FAM107B: variants seen among roughly 807,000 people sequenced by gnomAD.
FAM107B encodes the protein family with sequence similarity 107 member B.
Under a neutral mutation model 31.5 loss-of-function variants are expected in FAM107B, and 21 were observed. The observed-to-expected ratio is 0.67, with a 90% CI of 0.47 to 0.96. FAM107B has a LOEUF of 0.96. Ranked by LOEUF, FAM107B falls within the 40% of genes least tolerant of loss-of-function variation. The pLI, the probability that FAM107B is intolerant of heterozygous loss-of-function variation, is 0.00. For missense variants in FAM107B, 452 were observed against 377.1 expected, an observed-to-expected ratio of 1.20 and a Z score of -1.64; for synonymous variants, 157 against 141.5, an observed-to-expected ratio of 1.11 and a Z score of -0.78.
At chr10:14,770,680 C>T (rs1833281159) in intron 1 of FAM107B, among the ~76,000 whole-genome samples, 1 of 152,056 alleles carries the variant, frequency 6.6e-6, no homozygotes. Context: ...GACACATTCC[C>T]ATTTTAGGGT....
At chr10:14,624,743 C>T (rs1342687651) in intron 2 of FAM107B, among the ~76,000 whole-genome samples, 1 of 152,118 alleles carries the variant, frequency 6.6e-6, no homozygotes, top group African/African-American at 2.4e-5. Context: ...CATAAAATAA[C>T]TAAAGCAGCT....
At chr10:14,545,011 G>A (rs536298545) in intron 2 of FAM107B, among the ~76,000 whole-genome samples, 2 of 152,302 alleles carry the variant, frequency 1.3e-5, no homozygotes, top group African/African-American at 4.8e-5. Context: ...TGCAAATATC[G>A]GAGATGCAGT....
chr10:14,583,021 A>G lies in FAM107B; in HGVS notation c.470-52506T>C, dbSNP rs570841011. 8.1e-4 allele frequency among the ~76,000 whole-genome samples: 120 copies of G among 148,560 alleles called. 1 individual carries two copies. Among genetic ancestry groups the G allele is most frequent in the African/African-American group, 2.8e-3 (112 of 40,388 alleles). On this transcript the variant is annotated intron_variant, in intron 2 of 4. Transcript: ENST00000181796. ...GAATTGCTTGAACCCAGCGGGGTGGAGGCTGCAGTAAGCGGAGATCGCGCC... is the reference window on the plus strand; with the variant it reads ...GAATTGCTTGAACCCAGCGGGGTGGGGGCTGCAGTAAGCGGAGATCGCGCC...
At chr10:14,522,896 T>G (rs898165316) in intron 3 of FAM107B, among the ~76,000 whole-genome samples, 1 of 152,060 alleles carries the variant, frequency 6.6e-6, no homozygotes, top group Non-Finnish European at 1.5e-5. Context: ...ATCCCCTAAT[T>G]CTCAGTCCCG....
At chr10:14,671,872 T>TAA (rs1294969542) in intron 1 of FAM107B, among the ~76,000 whole-genome samples, 753 of 33,480 alleles carry the variant, frequency 0.022, 5 homozygotes, top group Middle Eastern at 0.078. Context: ...CCCTTTTATT[T>TAA]AAAAAAAAAA....
intron 2 of FAM107B, among the ~76,000 whole-genome samples, chr10:14,589,719 T>A (rs1157044379): frequency 6.6e-6 from 1 of 151,950 alleles, no homozygotes; most frequent in Non-Finnish European, 1.5e-5. Flanking sequence ...AAAACCTAGA[T>A]GACAGATTGA....
intron 1 of FAM107B, among the ~76,000 whole-genome samples, chr10:14,726,724 T>C (rs1299215691): frequency 6.6e-6 from 1 of 152,138 alleles, no homozygotes; most frequent in African/African-American, 2.4e-5. Context: ...TATCAGCTGC[T>C]TTCTTGTGCC....
chr10:14,698,255 C>T (rs1018828837), intron 1 of FAM107B, among the ~76,000 whole-genome samples: 2 of 152,150 alleles, frequency 1.3e-5, no homozygotes, highest in African/African-American at 4.8e-5. Flanking sequence ...TGTGGTTTTG[C>T]TAGAAGAGAG....
At chr10:14,549,020 C>G (rs1490320842) in intron 2 of FAM107B, among the ~76,000 whole-genome samples, 2 of 152,130 alleles carry the variant, frequency 1.3e-5, no homozygotes, top group East Asian at 3.9e-4. Context: ...GACCAGAGCT[C>G]CTTCTTTCTC....
intron 2 of FAM107B, among the ~76,000 whole-genome samples, chr10:14,533,959 C>T (rs147151192): frequency 1.5e-3 from 226 of 152,312 alleles, no homozygotes; most frequent in African/African-American, 5.2e-3. Flanking sequence ...TTTTCAGACA[C>T]TTGTGGCTGC....
chr10:14,721,307 C>G lies in FAM107B; in HGVS notation c.411+52946G>C, dbSNP rs575173727. Among the ~76,000 whole-genome samples the G allele has an allele frequency of 2.6e-4, 40 of 152,220 alleles. No individual in the cohort carries two copies. The South Asian group carries it at 7.9e-3, about 30-fold the overall frequency. On this transcript the variant is annotated intron_variant, in intron 1 of 4. Coordinates refer to ENST00000181796, the MANE Select transcript of FAM107B (RefSeq NM_031453.4). ...TGTGAATAGTGCCGCTATAAACATACGTTTGCATGTGTCTTTATAGCAGCA... is the reference window on the plus strand; with the variant it reads ...TGTGAATAGTGCCGCTATAAACATAGGTTTGCATGTGTCTTTATAGCAGCA...
intron 2 of FAM107B, among the ~76,000 whole-genome samples, chr10:14,583,790 T>C (rs930678022): frequency 1.3e-5 from 2 of 152,130 alleles, no homozygotes; most frequent in Admixed American, 6.5e-5. Flanking sequence ...AGTTCGTCCA[T>C]TCACCGGAAG....
At chr10:14,539,294 G>A (rs1847943348) in intron 2 of FAM107B, among the ~76,000 whole-genome samples, 1 of 152,176 alleles carries the variant, frequency 6.6e-6, no homozygotes, top group Admixed American at 6.5e-5. Context: ...GGGTACCCAA[G>A]ACCCAGCTGG....
At chr10:14,764,518 A>G (rs1164695624) in intron 1 of FAM107B, among the ~76,000 whole-genome samples, 1 of 152,208 alleles carries the variant, frequency 6.6e-6, no homozygotes, top group Non-Finnish European at 1.5e-5. Context: ...TAACTGCCTA[A>G]AATTTCCAAC....
intron 1 of FAM107B, among the ~76,000 whole-genome samples, chr10:14,709,560 C>T (rs1855593298): frequency 6.6e-6 from 1 of 152,198 alleles, no homozygotes; most frequent in Admixed American, 6.5e-5. Context: ...TCAATTACCT[C>T]CCACGTGGTT....
intron 2 of FAM107B, among the ~76,000 whole-genome samples, chr10:14,614,184 C>T (rs973127283): frequency 3.3e-5 from 5 of 152,062 alleles, no homozygotes; most frequent in African/African-American, 9.7e-5. Flanking sequence ...CCTAAACAGT[C>T]GTTGTCCTGG....
chr10:14,619,798 G>C (rs1323037543), intron 2 of FAM107B, among the ~76,000 whole-genome samples: 1 of 141,828 alleles, frequency 7.1e-6, no homozygotes, highest in African/African-American at 2.6e-5. Context: ...TATAGTTTTT[G>C]CTCTTACATT....
chr10:14,637,022 G>A (rs992483766), intron 2 of FAM107B, among the ~76,000 whole-genome samples: 2 of 152,026 alleles, frequency 1.3e-5, no homozygotes, highest in Non-Finnish European at 2.9e-5. Context: ...ATACTCTATA[G>A]GTAAACTTAA....
intron 2 of FAM107B, among the ~76,000 whole-genome samples, chr10:14,612,029 T>A (rs1377319580): frequency 6.6e-6 from 1 of 151,588 alleles, no homozygotes; most frequent in Non-Finnish European, 1.5e-5. Context: ...CTTATTTATA[T>A]AAAAAGTTCC....
Sources: allele counts gnomAD v4.1 joint callset (sites outside exome capture counted in the v4.1 genomes callset), GRCh38; gene constraint gnomAD v4.1.1; transcripts MANE v1.5; gene names NCBI Gene and HGNC (gene_info 2026-07-23, HGNC 2026-07-21).